PRKN: variants seen among roughly 807,000 people sequenced by gnomAD.
PRKN encodes E3 ubiquitin-protein ligase parkin.
Under a neutral mutation model 59.5 loss-of-function variants are expected in PRKN, and 56 were observed. The observed-to-expected ratio is 0.94, with a 90% CI of 0.76 to 1.18. The LOEUF (loss-of-function observed/expected upper bound fraction) is 1.18, where lower values mean the gene tolerates loss of function less well. Among genes scored for constraint, PRKN ranks in the 50% most tolerant of loss-of-function variants. The pLI is 0.00. For synonymous variants in PRKN, 250 were observed against 222.1 expected (o/e 1.13, Z -1.12); for missense variants, 657 against 596.4 (o/e 1.10, Z -1.06).
chr6:162,020,346 A>T lies in PRKN; in HGVS notation c.618+33745T>A, dbSNP rs866118043. 9.2e-3 allele frequency among the ~76,000 whole-genome samples: 1,386 copies of T among 151,054 alleles called. 33 individuals are homozygous for T. The highest frequency in any genetic ancestry group is 0.03 in the African/African-American group (1,241 of 41,166). ...GACCAATGAATCAAAAAAAAAAAAA[A>T]AAAAAAAAAAAACAGATAAAAACAA... On this transcript the variant is annotated intron_variant, in intron 5 of 11. Transcript: ENST00000366898.
In PRKN at chr6:161,447,141, C is replaced by A. The variant is rs929158600; in HGVS notation, c.1084-60264G>T. On this transcript the variant is annotated intron_variant, in intron 9 of 11. Transcript: ENST00000366898. The surrounding 1 kb of genome is among the most constrained non-coding windows in gnomAD (Gnocchi z 4.1). The stretch of plus-strand genomic sequence containing the variant: ...ACACTGAGCGTTACTATAGCAACAT[C>A]TTTCCTGCTACTAGGACAGTTAAGT... 6.6e-6 allele frequency among the ~76,000 whole-genome samples: 1 copy of A among 152,194 alleles called. No homozygotes were observed. Among genetic ancestry groups the A allele is most frequent in the Non-Finnish European group, 1.5e-5 (1 of 68,038 alleles).
Position 161,604,483 on chromosome 6 carries a change from C to T in PRKN, c.872-35067G>A, listed in dbSNP as rs1583282263. Among the ~76,000 whole-genome samples the T allele has an allele frequency of 2.0e-5, 3 of 152,310 alleles. No homozygotes were observed. In the Middle Eastern group the frequency reaches 0.01, roughly 518 times the overall value. On this transcript the variant is annotated intron_variant, in intron 7 of 11. Transcript: ENST00000366898. ...TCTACTCGGCTAACAACTCCCTAGGCCTTTAGGGCAGAACGGGTGGCCAGA... is the reference window on the plus strand; with the variant it reads ...TCTACTCGGCTAACAACTCCCTAGGTCTTTAGGGCAGAACGGGTGGCCAGA...
intron 1 of PRKN, among the ~76,000 whole-genome samples, chr6:162,490,136 G>A (rs965087441): frequency 5.9e-5 from 9 of 152,152 alleles, no homozygotes; most frequent in African/African-American, 2.2e-4. Flanking sequence ...AAAGAGGGAA[G>A]AGAAAAGGAC....
At chr6:162,569,393 G>C in intron 1 of PRKN, 1 of 668,270 alleles carries the variant, frequency 1.5e-6, no homozygotes, top group South Asian at 1.4e-5. Context: ...GCAGCTGCAT[G>C]AGTACCAGAA....
intron 2 of PRKN, among the ~76,000 whole-genome samples, chr6:162,400,997 G>T (rs531201550): frequency 5.4e-4 from 82 of 152,046 alleles, no homozygotes; most frequent in Non-Finnish European, 9.6e-4. Context: ...ACAGAATATA[G>T]TAAAAACATT....
At chr6:161,510,615 C>A (rs1033071198) in intron 9 of PRKN, among the ~76,000 whole-genome samples, 3 of 152,166 alleles carry the variant, frequency 2.0e-5, no homozygotes, top group Admixed American at 2.0e-4. Context: ...AACCAAAATG[C>A]TTTACCCTAA....
intron 1 of PRKN, among the ~76,000 whole-genome samples, chr6:162,446,207 CAT>C (rs1193615258): frequency 6.6e-6 from 1 of 152,114 alleles, no homozygotes; most frequent in Non-Finnish European, 1.5e-5. Flanking sequence ...AGAAAAGACA[CAT>C]GACAAGTTAG....
At chr6:161,389,749 C>A (rs1305691415) in intron 9 of PRKN, among the ~76,000 whole-genome samples, 1 of 152,166 alleles carries the variant, frequency 6.6e-6, no homozygotes, top group African/African-American at 2.4e-5. Flanking sequence ...TCTAGAGAAG[C>A]AAATCTTATC....
chr6:162,075,442 T>C (rs1778782267), intron 4 of PRKN, among the ~76,000 whole-genome samples: 1 of 151,866 alleles, frequency 6.6e-6, no homozygotes, highest in South Asian at 2.1e-4. Flanking sequence ...ACTCCCCACA[T>C]AAAACTTAAC....
chr6:161,880,113 C>T (rs1025688817), intron 6 of PRKN, among the ~76,000 whole-genome samples: 1 of 152,108 alleles, frequency 6.6e-6, no homozygotes, highest in Non-Finnish European at 1.5e-5. Context: ...AAAACACATT[C>T]ATGGCAATGG....
At position 162,260,529 on chromosome 6, in the gene PRKN, C is replaced by G. The variant is rs1779844873; in HGVS notation, c.412+1996G>C. Among the ~76,000 whole-genome samples the G allele has an allele frequency of 2.0e-5, 3 of 151,858 alleles. No individual in the cohort carries two copies. In the South Asian group the frequency reaches 6.2e-4, roughly 32 times the overall value. On this transcript the variant is annotated intron_variant, in intron 3 of 11. Transcript: ENST00000366898. ...CTATATTTTCTTAAAATATTATGGT[C>G]TAGAGAGAGAGAGAGAGTCAGTTGA...
chr6:162,621,400 C>G lies in PRKN; in HGVS notation c.7+106262G>C, dbSNP rs140582557. ...ATGAAAGACACATGGCTCAGCTCCT[C>G]CCATCACCACAAAGATCACAGATAA... is the stretch of plus-strand genomic sequence containing the variant. On this transcript the variant is annotated intron_variant, in intron 1 of 11. Transcript: ENST00000366898. Among the ~76,000 whole-genome samples, 14 of 152,268 alleles carry G rather than the reference C, an allele frequency of 9.2e-5. No individual in the cohort carries two copies. In the East Asian group the frequency reaches 2.5e-3, roughly 27 times the overall value.
intron 1 of PRKN, among the ~76,000 whole-genome samples, chr6:162,715,713 T>A (rs917732285): frequency 2.6e-5 from 4 of 152,180 alleles, no homozygotes; most frequent in African/African-American, 9.6e-5. Flanking sequence ...CAGTATGGCA[T>A]GGAAAACTGC....
chr6:161,795,290 T>C (rs1385122453), intron 6 of PRKN, among the ~76,000 whole-genome samples: 1 of 146,592 alleles, frequency 6.8e-6, no homozygotes, highest in East Asian at 2.0e-4. Context: ...TGGAGTGCAG[T>C]GGCGCAATCT....
chr6:162,644,002 TGCTAAACAGCAGCTTTGGG>T (rs1035489277), intron 1 of PRKN: 2 of 152,208 alleles, frequency 1.3e-5, no homozygotes, highest in African/African-American at 2.4e-5. Context: ...TTTCATGTCT[TGCTAAACAGCAGCTTTGGG>T]GCCAAGCACA....
chr6:162,226,192 T>C (rs1412354413), intron 3 of PRKN, among the ~76,000 whole-genome samples: 3 of 151,118 alleles, frequency 2.0e-5, no homozygotes, highest in Non-Finnish European at 4.4e-5. Flanking sequence ...AAAGAGAGAC[T>C]GAGAAAAGCA....
At chr6:162,040,553 C>T (rs1309685849) in intron 5 of PRKN, among the ~76,000 whole-genome samples, 1 of 150,466 alleles carries the variant, frequency 6.6e-6, no homozygotes, top group Non-Finnish European at 1.5e-5. Context: ...TATACAGGCG[C>T]CCACCACCAT....
intron 5 of PRKN, among the ~76,000 whole-genome samples, chr6:161,998,068 A>G (rs1399068373): frequency 6.6e-6 from 1 of 152,134 alleles, no homozygotes; most frequent in Non-Finnish European, 1.5e-5. Flanking sequence ...AAAACATAAA[A>G]CATATATTAT....
At chr6:162,372,824 T>A (rs1029328253) in intron 2 of PRKN, among the ~76,000 whole-genome samples, 1 of 152,186 alleles carries the variant, frequency 6.6e-6, no homozygotes, top group Non-Finnish European at 1.5e-5. Flanking sequence ...CTAAAGCCCG[T>A]GTATCTTTAC....
Sources: allele counts gnomAD v4.1 joint callset (sites outside exome capture counted in the v4.1 genomes callset), GRCh38; gene constraint gnomAD v4.1.1; non-coding constraint Gnocchi (gnomAD v3.1); transcripts MANE v1.5; gene names NCBI Gene and HGNC (gene_info 2026-07-23, HGNC 2026-07-21).